Variants in PLCB4 observed in about 807,000 individuals in gnomAD.
The protein encoded by PLCB4 is 1-phosphatidylinositol 4,5-bisphosphate phosphodiesterase beta-4.
Under a neutral mutation model 178.8 loss-of-function variants are expected in PLCB4, and 77 were observed. That is an observed-to-expected ratio of 0.43 (90% CI 0.36 to 0.52). PLCB4 has a LOEUF of 0.52. PLCB4 is among the 20% of genes least tolerant of loss of function. The pLI, the probability that PLCB4 is intolerant of heterozygous loss-of-function variation, is 0.00. For missense variants in PLCB4, 1,024 were observed against 1,453.4 expected (o/e 0.70, Z 4.80); for synonymous variants, 496 against 490.8 (o/e 1.01, Z -0.14).
intron 2 of PLCB4, among the ~76,000 whole-genome samples, chr20:9,109,813 G>T (rs1003710008): frequency 1.3e-5 from 2 of 152,076 alleles, no homozygotes; most frequent in Non-Finnish European, 2.9e-5. Context: ...TTAACTCAGG[G>T]AGTTTTCAGT....
At chr20:9,278,226 C>A (rs908463982) in intron 3 of PLCB4, among the ~76,000 whole-genome samples, 3 of 152,004 alleles carry the variant, frequency 2.0e-5, no homozygotes, top group Non-Finnish European at 4.4e-5. Context: ...ATGTCAGTAA[C>A]CTTCTACTAC....
intron 6 of PLCB4, 148 bp from the exon 7 acceptor site, chr20:9,338,746 T>A (rs964236633): frequency 1.1e-5 from 7 of 614,972 alleles, no homozygotes; most frequent in Non-Finnish European, 1.9e-5. Context: ...GTGTTACAAA[T>A]TTCACCTCTA....
At chr20:9,441,182 A>C (rs1399823355) in intron 30 of PLCB4, among the ~76,000 whole-genome samples, 3 of 152,130 alleles carry the variant, frequency 2.0e-5, no homozygotes, top group Non-Finnish European at 2.9e-5. Context: ...GCAGTGTGTG[A>C]CCTAAAAGGA....
At chr20:9,160,323 C>G (rs1307887060) in intron 2 of PLCB4, among the ~76,000 whole-genome samples, 2 of 152,040 alleles carry the variant, frequency 1.3e-5, no homozygotes, top group Non-Finnish European at 2.9e-5. Flanking sequence ...TGAAAGAAGT[C>G]CAGGATAGTT....
chr20:9,132,582 A>G (rs2092296879), intron 2 of PLCB4, among the ~76,000 whole-genome samples: 1 of 152,174 alleles, frequency 6.6e-6, no homozygotes, highest in Non-Finnish European at 1.5e-5. Flanking sequence ...TGGTGAATAA[A>G]TTAGTAAATT....
intron 28 of PLCB4, among the ~76,000 whole-genome samples, chr20:9,432,797 C>G (rs2041512164): frequency 6.6e-6 from 1 of 152,160 alleles, no homozygotes; most frequent in African/African-American, 2.4e-5. Context: ...GACCAGTGAC[C>G]ACAGGGCAGA....
At chr20:9,232,210 A>G (rs1161061301) in intron 3 of PLCB4, among the ~76,000 whole-genome samples, 1 of 152,134 alleles carries the variant, frequency 6.6e-6, no homozygotes, top group African/African-American at 2.4e-5. Context: ...GGGTTGATGG[A>G]CAGGCCTCTA....
At chr20:9,323,732 GCTTCAGCA>G (rs1345285452) in intron 4 of PLCB4, among the ~76,000 whole-genome samples, 1 of 152,146 alleles carries the variant, frequency 6.6e-6, no homozygotes, top group Non-Finnish European at 1.5e-5. Flanking sequence ...TGCTGCAGGG[GCTTCAGCA>G]CCCTCAAAAT....
rs914400776 is a variant in PLCB4 at position 9,269,094 on chromosome 20, A to G, written c.-15-38706A>G. Among the ~76,000 whole-genome samples the G allele has an allele frequency of 2.0e-5, 3 of 152,210 alleles. No individual in the cohort carries two copies. In the South Asian group the frequency reaches 6.2e-4, roughly 31 times the overall value. On this transcript the variant is annotated intron_variant, in intron 3 of 39. Coordinates refer to ENST00000378473, the MANE Select transcript of PLCB4 (RefSeq NM_001377142.1). ...GCTTATTCCTAATACTTTAGGCTAT[A>G]CTTGTGAAGCCTCATGGGAAGTTTT...
intron 32 of PLCB4, among the ~76,000 whole-genome samples, chr20:9,446,544 T>C (rs940398810): frequency 6.6e-6 from 1 of 152,114 alleles, no homozygotes; most frequent in Admixed American, 6.6e-5. Flanking sequence ...ATATAATGAA[T>C]ATTTACTTGC....
Position 9,389,914 on chromosome 20 carries a change from CACAT to C in PLCB4, c.1195_1198del (p.Thr399GlnfsTer5). The C allele has an allele frequency of 1.3e-6, 2 of 1,584,436 alleles. No individual in the cohort carries two copies. The highest frequency in any genetic ancestry group is 1.7e-6 in the Non-Finnish European group (2 of 1,155,802). On this transcript the variant is annotated frameshift_variant, in exon 16 of 40. Coordinates refer to ENST00000378473, the MANE Select transcript of PLCB4 (RefSeq NM_001377142.1). LOFTEE classifies it high-confidence loss of function. ...AAGCCATCAAGGAAACTGCATTTGT[CACAT>C]CAGAATATCCTGTAATTCTCTCCTT...
intron 3 of PLCB4, among the ~76,000 whole-genome samples, chr20:9,256,536 G>A (rs528883917): frequency 2.0e-5 from 3 of 152,324 alleles, no homozygotes; most frequent in South Asian, 2.1e-4. Flanking sequence ...AGTATTTTTA[G>A]TTGGATTCAT....
intron 28 of PLCB4, among the ~76,000 whole-genome samples, chr20:9,435,302 C>T (rs1443203588): frequency 6.6e-6 from 1 of 152,192 alleles, no homozygotes; most frequent in African/African-American, 2.4e-5. Flanking sequence ...TGACACTTTG[C>T]CTCCTTCATA....
chr20:9,407,288 A>G (rs2039513365), intron 21 of PLCB4, among the ~76,000 whole-genome samples: 6 of 151,810 alleles, frequency 4.0e-5, no homozygotes, highest in Admixed American at 3.9e-4. Context: ...GAGAGTCACT[A>G]TTTTTGATGT....
chr20:9,415,668 T>C (rs1356298834), intron 25 of PLCB4, among the ~76,000 whole-genome samples: 2 of 152,182 alleles, frequency 1.3e-5, no homozygotes, highest in Non-Finnish European at 2.9e-5. Flanking sequence ...CTGGAATGAG[T>C]TCATTTTCTG....
At chr20:9,122,462 TTC>T (rs1351327947) in intron 2 of PLCB4, among the ~76,000 whole-genome samples, 1 of 152,186 alleles carries the variant, frequency 6.6e-6, no homozygotes, top group East Asian at 1.9e-4. Flanking sequence ...CCCAGGAATC[TTC>T]TGTTACTGGA....
intron 4 of PLCB4, among the ~76,000 whole-genome samples, chr20:9,326,683 T>A (rs965004788): frequency 5.3e-5 from 8 of 152,270 alleles, no homozygotes; most frequent in African/African-American, 1.9e-4. Context: ...AACTGTGTTG[T>A]GATGGCTCGT....
At chr20:9,175,293 G>A (rs1468011508) in intron 2 of PLCB4, among the ~76,000 whole-genome samples, 1 of 152,110 alleles carries the variant, frequency 6.6e-6, no homozygotes, top group East Asian at 1.9e-4. Context: ...GGGGAGAAGG[G>A]TGAACCCTTC....
intron 2 of PLCB4, among the ~76,000 whole-genome samples, chr20:9,125,215 G>A (rs1300561020): frequency 6.6e-6 from 1 of 152,102 alleles, no homozygotes; most frequent in African/African-American, 2.4e-5. Context: ...AATAGGATGT[G>A]TATTGTTCTA....
Sources: gnomAD v4.1 joint callset for allele counts (sites outside exome capture counted in the v4.1 genomes callset) on GRCh38, gnomAD v4.1.1 for gene constraint, MANE v1.5 for transcripts, NCBI Gene and HGNC (gene_info 2026-07-23, HGNC 2026-07-21) for gene names.